The following CREBBP variants were observed in gnomAD, a reference collection of about 807,000 sequenced individuals.
The protein encoded by CREBBP is CREB-binding protein.
Under a neutral mutation model 265.0 loss-of-function variants are expected in CREBBP, and 19 were observed. The observed-to-expected ratio is 0.07, with a 90% CI of 0.05 to 0.11. CREBBP has a LOEUF of 0.11. Ranked by LOEUF, CREBBP falls within the 10% of genes least tolerant of loss-of-function variation. The probability of loss-of-function intolerance (pLI) is 1.00; values close to 1 mark genes in which losing one functional copy is unlikely to be tolerated. For missense variants in CREBBP, 2,525 were observed against 3,219.0 expected (o/e 0.78, Z 5.22); for synonymous variants, 1,457 against 1,223.7 (o/e 1.19, Z -3.98).
intron 6 of CREBBP, 120 bp from the exon 7 acceptor site, chr16:3,781,426 T>G: frequency 1.2e-6 from 1 of 809,050 alleles, no homozygotes. Flanking sequence ...AATAAGTGAT[T>G]CTGGCCAGTT....
rs969221697 is a variant in CREBBP at position 3,879,709 on chromosome 16, C to G, written c.85+123G>C. 3.8e-6 allele frequency: 4 copies of G among 1,046,906 alleles called. No individual in the cohort carries two copies. In the African/African-American group the frequency reaches 4.8e-5, roughly 12 times the overall value. 64.9% of individuals were successfully genotyped at this position (1,046,906 alleles called of 1,614,324 possible). On this transcript the variant is annotated intron_variant, in intron 1 of 30. Coordinates refer to ENST00000262367, the MANE Select transcript of CREBBP (RefSeq NM_004380.3). ...TCCCGCGCGGGGCGAGGGGAACGGG[C>G]TGCGGGGCCTGCTCCGAGCTCCCGG...
intron 10 of CREBBP, 154 bp from the exon 11 acceptor site, chr16:3,777,811 C>T (rs1241030031): frequency 7.3e-6 from 8 of 1,089,512 alleles, no homozygotes; most frequent in Non-Finnish European, 1.1e-5. Flanking sequence ...GCCAGCGCAC[C>T]CTGTAAAGGG....
At chr16:3,837,240 T>C (rs773919868) in intron 2 of CREBBP, among the ~76,000 whole-genome samples, 1 of 152,138 alleles carries the variant, frequency 6.6e-6, no homozygotes, top group Non-Finnish European at 1.5e-5. Context: ...ATCCTGACCC[T>C]GTACAGGCTT....
At chr16:3,758,207 G>A (rs1363720666) in intron 17 of CREBBP, among the ~76,000 whole-genome samples, 159 bp from the exon 18 acceptor site, 1 of 152,030 alleles carries the variant, frequency 6.6e-6, no homozygotes, top group Non-Finnish European at 1.5e-5. Context: ...AATAACCTCT[G>A]ACGCAACTGA....
chr16:3,879,042 A>G (rs1056339371), intron 1 of CREBBP, among the ~76,000 whole-genome samples: 2 of 140,776 alleles, frequency 1.4e-5, no homozygotes, highest in Admixed American at 7.2e-5. Flanking sequence ...AATTCTTTGT[A>G]CATCTACACT....
At chr16:3,849,431 GTGTGTGTGTGTGT>G (rs1567360221) in intron 2 of CREBBP, among the ~76,000 whole-genome samples, 245 of 14,464 alleles carry the variant, frequency 0.017, 17 homozygotes, top group Middle Eastern at 0.05. Context: ...GTGTGTGTGT[GTGTGTGTGTGTGT>G]GTGTGTGTGT....
chr16:3,816,778 C>T (rs1163212180), intron 2 of CREBBP, among the ~76,000 whole-genome samples: 1 of 152,210 alleles, frequency 6.6e-6, no homozygotes, highest in Non-Finnish European at 1.5e-5. Context: ...TTCTCACCTT[C>T]CTGGAACATT....
chr16:3,783,601 G>A (rs964577842), intron 5 of CREBBP, among the ~76,000 whole-genome samples: 1 of 152,126 alleles, frequency 6.6e-6, no homozygotes, highest in Non-Finnish European at 1.5e-5. Flanking sequence ...TTGATTGATT[G>A]ACTGACTGAG....
At chr16:3,847,894 C>T (rs756083689) in intron 2 of CREBBP, among the ~76,000 whole-genome samples, 6 of 152,238 alleles carry the variant, frequency 3.9e-5, no homozygotes, top group African/African-American at 1.4e-4. Flanking sequence ...ATAGGCCGGG[C>T]GTGGTGGCTC....
intron 7 of CREBBP, 86 bp downstream of exon 7, chr16:3,781,118 C>T (rs972093981): frequency 9.9e-6 from 13 of 1,317,356 alleles, no homozygotes; most frequent in African/African-American, 1.5e-5. Context: ...ATTTTCTCTG[C>T]CACACATTTA....
intron 11 of CREBBP, among the ~76,000 whole-genome samples, chr16:3,777,289 G>T (rs999488324): frequency 5.3e-5 from 8 of 149,932 alleles, no homozygotes; most frequent in Admixed American, 2.7e-4. Flanking sequence ...GAGCCAAGAT[G>T]GAGCCACTGC....
intron 27 of CREBBP, 95 bp from the exon 28 acceptor site, chr16:3,736,298 T>C (rs1234175929): frequency 1.5e-6 from 2 of 1,327,782 alleles, no homozygotes; most frequent in East Asian, 2.3e-5. Context: ...CCCCTCACCA[T>C]GGTGTGGCAG....
At chr16:3,793,746 T>A in intron 3 of CREBBP, 120 bp from the exon 4 acceptor site, 1 of 1,234,408 alleles carries the variant, frequency 8.1e-7, no homozygotes. Flanking sequence ...GAGAGAAGGC[T>A]GGTGTAGTTC....
Position 3,731,094 on chromosome 16 carries a change from T to G in CREBBP, c.5172+98A>C. 1 of 1,268,440 alleles carries G rather than the reference T, an allele frequency of 7.9e-7. No individual in the cohort carries two copies. Among genetic ancestry groups the G allele is most frequent in the South Asian group, 1.3e-5 (1 of 76,916 alleles). The allele number at this position is 1,268,440 out of a possible 1,614,324, so 78.6% of individuals were successfully genotyped here. On this transcript the variant is annotated intron_variant, in intron 30 of 30. Coordinates refer to ENST00000262367, the MANE Select transcript of CREBBP (RefSeq NM_004380.3). The surrounding 1 kb of genome is among the most constrained non-coding windows in gnomAD (Gnocchi z 7.7). The stretch of plus-strand genomic sequence containing the variant: ...TCTGGAGGAGTCAGTGCAGCCACCA[T>G]CAGGTACAGACACCAACCCGGGCAC...
intron 3 of CREBBP, among the ~76,000 whole-genome samples, chr16:3,802,114 A>ATTTTTTTTTTTTTTTTTTTTT (rs71133657): frequency 1.6e-4 from 8 of 50,582 alleles, no homozygotes; most frequent in African/African-American, 4.6e-4. Context: ...GTATTCCTTA[A>ATTTTTTTTTTTTTTTTTTTTT]TTTTTTTTTT....
intron 2 of CREBBP, among the ~76,000 whole-genome samples, chr16:3,828,659 A>ATAGTTTGAATACAGCTG (rs1477859464): frequency 6.6e-6 from 1 of 152,224 alleles, no homozygotes. Context: ...TTTCACCATC[A>ATAGTTTGAATACAGCTG]TAGTTTGAAT....
At chr16:3,834,142 C>G (rs977960076) in intron 2 of CREBBP, among the ~76,000 whole-genome samples, 1 of 152,188 alleles carries the variant, frequency 6.6e-6, no homozygotes, top group African/African-American at 2.4e-5. Context: ...TGTAGTGCAA[C>G]AGGAACTCTC....
chr16:3,815,720 C>T (rs1008922409), intron 2 of CREBBP, among the ~76,000 whole-genome samples: 8 of 151,522 alleles, frequency 5.3e-5, no homozygotes, highest in Admixed American at 1.3e-4. Flanking sequence ...GTTTTTTTTA[C>T]AGGCATGCAC....
At chr16:3,872,507 A>T (rs149643949) in intron 1 of CREBBP, among the ~76,000 whole-genome samples, 7 of 152,310 alleles carry the variant, frequency 4.6e-5, no homozygotes, top group African/African-American at 1.7e-4. Context: ...AGACTCATGC[A>T]ATAGGAGAAT....
Sources: gnomAD v4.1 joint callset for allele counts (sites outside exome capture counted in the v4.1 genomes callset) on GRCh38, gnomAD v4.1.1 for gene constraint, Gnocchi (gnomAD v3.1) non-coding constraint, MANE v1.5 for transcripts, NCBI Gene and HGNC (gene_info 2026-07-23, HGNC 2026-07-21) for gene names.